SURF4: variants seen among roughly 807,000 people sequenced by gnomAD.
The protein encoded by SURF4 is surfeit locus protein 4.
In SURF4, 3 loss-of-function variants were observed where a neutral mutation model predicts 30.0. The ratio of observed to expected loss-of-function variants is 0.10; its 90% CI spans 0.05 to 0.26. The LOEUF is 0.26. Ranked by LOEUF, SURF4 falls within the 10% of genes least tolerant of loss-of-function variation. SURF4 has a pLI of 1.00. For missense variants in SURF4, 217 were observed against 350.8 expected (o/e 0.62, Z 3.05); for synonymous variants, 143 against 139.9 (o/e 1.02, Z -0.16).
At chr9:133,369,064 C>T (rs901381360) in intron 1 of SURF4, among the ~76,000 whole-genome samples, 2 of 152,226 alleles carry the variant, frequency 1.3e-5, no homozygotes, top group African/African-American at 2.4e-5. Context: ...TCAGTTACCA[C>T]GCCCCTGGGT....
At chr9:133,367,115 C>A in intron 2 of SURF4, 144 bp downstream of exon 2, 1 of 1,124,188 alleles carries the variant, frequency 8.9e-7, no homozygotes, top group South Asian at 1.6e-5. Context: ...GGACTCCTGG[C>A]CTGGCACAGC....
At chr9:133,370,236 G>C (rs1055365248) in intron 1 of SURF4, among the ~76,000 whole-genome samples, 2 of 152,202 alleles carry the variant, frequency 1.3e-5, no homozygotes, top group Admixed American at 6.5e-5. Context: ...GAGGATTAAA[G>C]AGCAAAAAAG....
intron 1 of SURF4, among the ~76,000 whole-genome samples, chr9:133,372,089 T>C (rs2130194134): frequency 6.6e-6 from 1 of 152,240 alleles, no homozygotes; most frequent in African/African-American, 2.4e-5. Flanking sequence ...TTAGTTTGGA[T>C]TGCTGAGTTC....
intron 1 of SURF4, among the ~76,000 whole-genome samples, chr9:133,373,274 C>G (rs2130205109): frequency 6.6e-6 from 1 of 152,314 alleles, no homozygotes; most frequent in East Asian, 1.9e-4. Flanking sequence ...CAGTTCCAAG[C>G]TACTGCTTCT....
In SURF4 at chr9:133,362,567, A is replaced by G. The variant is rs1836882564; in HGVS notation, c.*926T>C. On this transcript the variant is annotated 3_prime_UTR_variant, in exon 6 of 6. Coordinates refer to ENST00000371989, the MANE Select transcript of SURF4 (RefSeq NM_033161.4). The stretch of plus-strand genomic sequence containing the variant: ...CGAGACCTTGCTCAGAAAAGGCCCC[A>G]TGTGAGGTAACTGGGTTGAGTCCGT... The G allele has an allele frequency of 6.5e-6, 1 of 152,696 alleles. No homozygotes were observed. The highest frequency in any genetic ancestry group is 1.5e-5 in the Non-Finnish European group (1 of 68,104). 9.5% of individuals were successfully genotyped at this position (152,696 alleles called of 1,614,324 possible). A position where few individuals can be genotyped will look rare whatever the true frequency, so the allele number is the denominator to read the frequency against.
At chr9:133,377,644 C>T (rs1838021653), upstream of SURF4, among the ~76,000 whole-genome samples, 1 of 151,524 alleles carries the variant, frequency 6.6e-6, no homozygotes, top group Admixed American at 6.6e-5. Context: ...GCCTGGGCAA[C>T]AAGAGCAAAA....
chr9:133,362,427 C>CA lies in SURF4; in HGVS notation c.*1065dup, dbSNP rs1335053894. 1.3e-5 allele frequency: 2 copies of CA among 152,692 alleles called. No homozygotes were observed. Among genetic ancestry groups the CA allele is most frequent in the African/African-American group, 4.8e-5 (2 of 41,456 alleles). The allele number at this position is 152,692 out of a possible 1,614,324, so 9.5% of individuals were successfully genotyped here. ...GGAATTTTGGCTGCATTCGGCATAGCAAACGGACAATCTGAGTGAGCGACA... is the reference window on the plus strand; with the variant it reads ...GGAATTTTGGCTGCATTCGGCATAGCAAAACGGACAATCTGAGTGAGCGACA... On this transcript the variant is annotated 3_prime_UTR_variant, in exon 6 of 6. Transcript: ENST00000371989.
chr9:133,365,158 G>C, intron 4 of SURF4, 132 bp from the exon 5 acceptor site: 5 of 830,698 alleles, frequency 6.0e-6, no homozygotes, highest in Non-Finnish European at 9.0e-6. Context: ...CCAGTGATCT[G>C]CCAAGCAGGA....
chr9:133,372,235 C>A (rs1276168415), intron 1 of SURF4, among the ~76,000 whole-genome samples: 1 of 152,228 alleles, frequency 6.6e-6, no homozygotes, highest in East Asian at 1.9e-4. Context: ...CAGCTTGATG[C>A]CAGAGGCAGA....
At chr9:133,375,492 G>A in intron 1 of SURF4, 9 of 898,356 alleles carry the variant, frequency 1.0e-5, no homozygotes, top group Non-Finnish European at 1.2e-5. Flanking sequence ...GTTCGTCCCC[G>A]AGCTCCCAGC....
chr9:133,368,041 G>C (rs1431727305), intron 1 of SURF4, among the ~76,000 whole-genome samples: 1 of 152,218 alleles, frequency 6.6e-6, no homozygotes, highest in Non-Finnish European at 1.5e-5. Flanking sequence ...ACTTTGCCAG[G>C]CATCTCCGCT....
At chr9:133,370,946 G>C in intron 1 of SURF4, 2 of 1,289,714 alleles carry the variant, frequency 1.6e-6, no homozygotes, top group Non-Finnish European at 2.0e-6. Context: ...TTCATAAGCA[G>C]TGACAGCATC....
chr9:133,371,529 G>A (rs1467711818), intron 1 of SURF4, among the ~76,000 whole-genome samples: 5 of 152,212 alleles, frequency 3.3e-5, no homozygotes, highest in South Asian at 2.1e-4. Context: ...AACTGAGAAC[G>A]ACTGGGCCCC....
At chr9:133,367,989 C>T (rs950771511) in intron 1 of SURF4, among the ~76,000 whole-genome samples, 4 of 152,212 alleles carry the variant, frequency 2.6e-5, no homozygotes, top group African/African-American at 9.6e-5. Context: ...CATGTCTGCC[C>T]ACGACATGCC....
chr9:133,365,904 T>G (rs1165922588), intron 4 of SURF4, 81 bp downstream of exon 4: 2 of 1,425,694 alleles, frequency 1.4e-6, no homozygotes, highest in East Asian at 4.6e-5. Context: ...TTTTTCCCAT[T>G]TTGGAGCATT....
At chr9:133,376,077 C>T (rs968369418), upstream of SURF4, 2 of 1,206,166 alleles carry the variant, frequency 1.7e-6, no homozygotes, top group African/African-American at 3.2e-5. Context: ...CGGCCGGCCT[C>T]GCTCCGCGTC....
upstream of SURF4, chr9:133,376,662 C>A: frequency 9.4e-7 from 1 of 1,062,464 alleles, no homozygotes; most frequent in Admixed American, 3.1e-5. Context: ...GAGGGGCCCG[C>A]GCCCTGGCCA....
At chr9:133,369,143 T>G (rs924486620) in intron 1 of SURF4, among the ~76,000 whole-genome samples, 2 of 152,202 alleles carry the variant, frequency 1.3e-5, no homozygotes, top group African/African-American at 4.8e-5. Flanking sequence ...GGCTCCCATG[T>G]GGCAGAGAAC....
chr9:133,376,143 C>A, upstream of SURF4: 3 of 1,207,194 alleles, frequency 2.5e-6, no homozygotes, highest in Non-Finnish European at 3.1e-6. Flanking sequence ...CCGCGCGCCG[C>A]CCGGGCCCGC....
Sources: gnomAD v4.1 joint callset for allele counts (sites outside exome capture counted in the v4.1 genomes callset) on GRCh38, gnomAD v4.1.1 for gene constraint, MANE v1.5 for transcripts, NCBI Gene and HGNC (gene_info 2026-07-23, HGNC 2026-07-21) for gene names.